Variants in RAB3C observed in about 807,000 individuals in gnomAD.
RAB3C encodes RAB3C, member RAS oncogene family.
Under a neutral mutation model 26.4 loss-of-function variants are expected in RAB3C, and 17 were observed. The observed-to-expected ratio is 0.64, with a 90% CI of 0.44 to 0.97. The LOEUF is 0.97. Ranked by LOEUF, RAB3C falls within the 50% of genes least tolerant of loss-of-function variation. The pLI, the probability that RAB3C is intolerant of heterozygous loss-of-function variation, is 0.00. For synonymous variants in RAB3C, 91 were observed against 95.9 expected (o/e 0.95, Z 0.30); for missense variants, 242 against 281.9 (o/e 0.86, Z 1.01).
chr5:58,840,640 G>C (rs986655130), intron 4 of RAB3C, among the ~76,000 whole-genome samples: 2 of 151,962 alleles, frequency 1.3e-5, no homozygotes, highest in East Asian at 3.9e-4. Context: ...TTAGGGTATT[G>C]GTTTGGTAGA....
chr5:58,738,982 A>G (rs1363752083), intron 3 of RAB3C, among the ~76,000 whole-genome samples: 4 of 152,184 alleles, frequency 2.6e-5, no homozygotes, highest in African/African-American at 9.7e-5. Context: ...AGAAGTTTTG[A>G]TAAGAGCCTA....
intron 3 of RAB3C, among the ~76,000 whole-genome samples, chr5:58,801,305 T>C (rs938459626): frequency 6.6e-6 from 1 of 152,146 alleles, no homozygotes; most frequent in African/African-American, 2.4e-5. Context: ...CGATGAACGA[T>C]GGGATGAGGA....
chr5:58,700,206 A>G (rs1748813108), intron 2 of RAB3C, among the ~76,000 whole-genome samples: 1 of 152,238 alleles, frequency 6.6e-6, no homozygotes, highest in Non-Finnish European at 1.5e-5. Context: ...AGTGCTCAGG[A>G]AATGTTTTAT....
At chr5:58,596,764 A>G (rs58080083) in intron 1 of RAB3C, among the ~76,000 whole-genome samples, 26 of 45,588 alleles carry the variant, frequency 5.7e-4, no homozygotes, top group African/African-American at 2.0e-3. Flanking sequence ...ATATATAAAT[A>G]TATAATATAT....
intron 3 of RAB3C, among the ~76,000 whole-genome samples, chr5:58,819,283 CTAAG>C (rs1186359802): frequency 1.1e-4 from 17 of 152,272 alleles, no homozygotes; most frequent in African/African-American, 3.4e-4. Flanking sequence ...CCCATACTCA[CTAAG>C]TATTAGAGCT....
At position 58,781,904 on chromosome 5, in the gene RAB3C, G is replaced by A. The variant is rs954964195; in HGVS notation, c.372-43134G>A. Among the ~76,000 whole-genome samples the A allele has an allele frequency of 1.1e-4, 17 of 152,110 alleles. No individual in the cohort carries two copies. In the South Asian group the frequency reaches 3.5e-3, roughly 32 times the overall value. ...ATGTCTCATTTTACTCATTTTTCAA[G>A]GTCAAGCTTAGATTTTATATTCTAC... On this transcript the variant is annotated intron_variant, in intron 3 of 4. Coordinates refer to ENST00000282878, the MANE Select transcript of RAB3C (RefSeq NM_138453.4).
At chr5:58,596,627 C>T (rs1386750526) in intron 1 of RAB3C, among the ~76,000 whole-genome samples, 24 of 86,294 alleles carry the variant, frequency 2.8e-4, no homozygotes, top group African/African-American at 1.1e-3. Context: ...ATATATAATA[C>T]ATAATATATA....
chr5:58,613,579 C>T (rs998331264), intron 1 of RAB3C, among the ~76,000 whole-genome samples: 7 of 152,000 alleles, frequency 4.6e-5, no homozygotes, highest in African/African-American at 1.7e-4. Flanking sequence ...AAGGTTGACA[C>T]TTTCATAAAA....
chr5:58,628,072 G>C (rs1366498238), intron 2 of RAB3C, among the ~76,000 whole-genome samples: 1 of 144,132 alleles, frequency 6.9e-6, no homozygotes, highest in African/African-American at 2.6e-5. Context: ...CAGGAGAATC[G>C]CTTGAACCTG....
intron 3 of RAB3C, among the ~76,000 whole-genome samples, chr5:58,757,672 A>T (rs1579902605): frequency 6.6e-6 from 1 of 152,140 alleles, no homozygotes; most frequent in East Asian, 1.9e-4. Flanking sequence ...CCTACTAGGT[A>T]ATTATTGTAT....
Position 58,646,252 on chromosome 5 carries a change from T to C in RAB3C, c.252+28382T>C, listed in dbSNP as rs1412594231. On this transcript the variant is annotated intron_variant, in intron 2 of 4. Coordinates refer to ENST00000282878, the MANE Select transcript of RAB3C (RefSeq NM_138453.4). ...TGCACCTAGCATAGTGTGTTGTAACTGACACAAACAGCTTCTATCTCAGTC... is the reference window on the plus strand; with the variant it reads ...TGCACCTAGCATAGTGTGTTGTAACCGACACAAACAGCTTCTATCTCAGTC... 4.6e-5 allele frequency among the ~76,000 whole-genome samples: 7 copies of C among 152,188 alleles called. No homozygotes were observed. The East Asian group carries it at 1.3e-3, about 29-fold the overall frequency.
At chr5:58,686,746 T>C (rs891087928) in intron 2 of RAB3C, among the ~76,000 whole-genome samples, 6 of 151,814 alleles carry the variant, frequency 4.0e-5, no homozygotes, top group Non-Finnish European at 5.9e-5. Flanking sequence ...GCTCTCTTAA[T>C]CAAATGGAAG....
intron 3 of RAB3C, among the ~76,000 whole-genome samples, chr5:58,805,016 T>G (rs146816655): frequency 6.6e-6 from 1 of 151,956 alleles, no homozygotes; most frequent in East Asian, 1.9e-4. Flanking sequence ...ATTTTTAAAT[T>G]TATTTAAGCT....
intron 3 of RAB3C, among the ~76,000 whole-genome samples, chr5:58,732,121 T>G (rs1741037470): frequency 1.3e-5 from 2 of 151,072 alleles, no homozygotes; most frequent in South Asian, 4.1e-4. Context: ...TAAATTATAC[T>G]TTAAGTTTTA....
At chr5:58,646,545 C>A (rs1393867180) in intron 2 of RAB3C, among the ~76,000 whole-genome samples, 1 of 152,006 alleles carries the variant, frequency 6.6e-6, no homozygotes, top group African/African-American at 2.4e-5. Flanking sequence ...TTGACAGACT[C>A]CCAGGCCTGC....
chr5:58,753,560 CA>C (rs1289402586), intron 3 of RAB3C, among the ~76,000 whole-genome samples: 1 of 152,062 alleles, frequency 6.6e-6, no homozygotes, highest in Non-Finnish European at 1.5e-5. Flanking sequence ...AACTCCGGAG[CA>C]TCTGGAAAGG....
At chr5:58,776,374 C>T (rs543704838) in intron 3 of RAB3C, among the ~76,000 whole-genome samples, 6 of 152,156 alleles carry the variant, frequency 3.9e-5, no homozygotes, top group African/African-American at 1.2e-4. Flanking sequence ...CAGAGTTCTG[C>T]CTTTATGTTC....
chr5:58,701,116 C>T (rs1339636895), intron 2 of RAB3C, among the ~76,000 whole-genome samples: 4 of 151,996 alleles, frequency 2.6e-5, no homozygotes, highest in South Asian at 2.1e-4. Flanking sequence ...CCGCCTCAGC[C>T]CCCAGAGTAG....
At chr5:58,614,603 C>T (rs541262600) in intron 1 of RAB3C, among the ~76,000 whole-genome samples, 1 of 151,934 alleles carries the variant, frequency 6.6e-6, no homozygotes, top group South Asian at 2.1e-4. Flanking sequence ...CTCTGTGTCC[C>T]TCCTAGACCC....
Sources: gnomAD v4.1 joint callset for allele counts (sites outside exome capture counted in the v4.1 genomes callset) on GRCh38, gnomAD v4.1.1 for gene constraint, MANE v1.5 for transcripts, NCBI Gene and HGNC (gene_info 2026-07-23, HGNC 2026-07-21) for gene names.